The following CPSF6 variants were observed in gnomAD, a reference collection of about 807,000 sequenced individuals.
The protein encoded by CPSF6 is cleavage and polyadenylation specificity factor subunit 6.
In CPSF6, 10 loss-of-function variants were observed where a neutral mutation model predicts 56.7. That is an observed-to-expected ratio of 0.18 (90% CI 0.11 to 0.30). The LOEUF (loss-of-function observed/expected upper bound fraction) is 0.30, where lower values mean the gene tolerates loss of function less well. CPSF6 is among the 10% of genes least tolerant of loss of function. The pLI is 1.00. For synonymous variants in CPSF6, 248 were observed against 244.8 expected (o/e 1.01, Z -0.12); for missense variants, 419 against 722.9 (o/e 0.58, Z 4.82).
At chr12:69,254,266 G>C (rs890235670) in intron 3 of CPSF6, among the ~76,000 whole-genome samples, 1 of 152,036 alleles carries the variant, frequency 6.6e-6, no homozygotes, top group Non-Finnish European at 1.5e-5. Flanking sequence ...GGTACTTTCT[G>C]GTCTGTTTTC....
rs1055273450 is a variant in CPSF6, at chr12:69,273,288, T to A, written c.*3780T>A. 7.8e-6 allele frequency: 3 copies of A among 383,470 alleles called. No individual in the cohort carries two copies. The highest frequency in any genetic ancestry group is 1.6e-5 in the Non-Finnish European group (3 of 188,278). The allele number at this position is 383,470 out of a possible 1,614,324, so 23.8% of individuals were successfully genotyped here. On this transcript the variant is annotated 3_prime_UTR_variant, in exon 10 of 10. Coordinates refer to ENST00000435070, the MANE Select transcript of CPSF6 (RefSeq NM_007007.3). Reference sequence around the variant, plus strand: ...TTAACCAATGTTCTTTTTTTAGAATTTCAGGTTGTGGCATTCACTGAGTAT... The same window carrying A: ...TTAACCAATGTTCTTTTTTTAGAATATCAGGTTGTGGCATTCACTGAGTAT...
intron 8 of CPSF6, among the ~76,000 whole-genome samples, chr12:69,260,861 G>T (rs558989074): frequency 6.6e-6 from 1 of 152,216 alleles, no homozygotes; most frequent in South Asian, 2.1e-4. Flanking sequence ...AATCCTCTCA[G>T]CTTGGCCTCC....
At chr12:69,245,536 A>T (rs1290818850) in intron 1 of CPSF6, among the ~76,000 whole-genome samples, 2 of 152,202 alleles carry the variant, frequency 1.3e-5, no homozygotes, top group East Asian at 3.8e-4. Flanking sequence ...AGAGGGGACT[A>T]CTATAATTAT....
chr12:69,273,082 TA>T lies in CPSF6; in HGVS notation c.*3577del. 1 of 348,320 alleles carries T rather than the reference TA, an allele frequency of 2.9e-6. No individual in the cohort carries two copies. Among genetic ancestry groups the T allele is most frequent in the Admixed American group, 3.2e-5 (1 of 30,920 alleles). The allele number at this position is 348,320 out of a possible 1,614,324, so 21.6% of individuals were successfully genotyped here. A position where few individuals can be genotyped will look rare whatever the true frequency, so the allele number is the denominator to read the frequency against. ...CGTAATGTGAGATTTTTGATTTAGATAAATCAAGATTCAGGATTAAAGTTTC... is the reference window on the plus strand; with the variant it reads ...CGTAATGTGAGATTTTTGATTTAGATAATCAAGATTCAGGATTAAAGTTTC... On this transcript the variant is annotated 3_prime_UTR_variant, in exon 10 of 10. Transcript: ENST00000435070.
intron 1 of CPSF6, among the ~76,000 whole-genome samples, chr12:69,240,078 G>T (rs978019082): frequency 6.6e-6 from 1 of 151,512 alleles, no homozygotes; most frequent in African/African-American, 2.4e-5. Context: ...ACTGGCCGCC[G>T]CCGCGCCCCC....
intron 1 of CPSF6, among the ~76,000 whole-genome samples, chr12:69,244,076 C>T (rs891082435): frequency 1.3e-5 from 2 of 152,236 alleles, no homozygotes; most frequent in South Asian, 2.1e-4. Flanking sequence ...CTTGCTTTGA[C>T]CTACCAGTGT....
intron 8 of CPSF6, among the ~76,000 whole-genome samples, chr12:69,261,348 C>T (rs921629426): frequency 2.4e-4 from 36 of 152,256 alleles, no homozygotes; most frequent in Non-Finnish European, 2.1e-4. Context: ...AGGAGGATCA[C>T]GTGAGCCCCA....
chr12:69,260,261 G>A, intron 8 of CPSF6, 64 bp downstream of exon 8: 1 of 1,266,066 alleles, frequency 7.9e-7, no homozygotes, highest in South Asian at 1.5e-5. Flanking sequence ...AAAAAATACT[G>A]TGAGACTTTA....
rs986028210 is a variant in CPSF6, at chr12:69,256,842, A to G, written c.520A>G (p.Thr174Ala). The G allele has an allele frequency of 1.9e-6, 3 of 1,604,942 alleles. No homozygotes were observed. The Admixed American group carries it at 5.2e-5, about 28-fold the overall frequency. Reference protein sequence around the residue: ...LSQFEMQSRKTTQSGQMSGEG... With the variant: ...LSQFEMQSRKATQSGQMSGEG... ...TCAATTTGAAATGCAGTCCAGGAAA[A>G]GTAAGCAGTCCTCAGAGGCTTTTAT... The change falls in exon 4 of 10, where the codon ACT (threonine) becomes GCT (alanine). Residue 174 changes from threonine (T) to alanine (A), a missense_variant and splice_region_variant. By Grantham distance (58) the Thr-to-Ala change is moderately conservative. Around this residue, in one of 4 missense-constraint regions of CPSF6, gnomAD observed 125 missense variants for 216.4 expected, o/e 0.58. Coordinates refer to ENST00000435070, the MANE Select transcript of CPSF6 (RefSeq NM_007007.3).
chr12:69,259,816 A>G (rs925068432), intron 7 of CPSF6, among the ~76,000 whole-genome samples: 4 of 152,192 alleles, frequency 2.6e-5, no homozygotes, highest in African/African-American at 7.2e-5. Flanking sequence ...TTATTCTTAT[A>G]TTTGCAAAAT....
intron 1 of CPSF6, among the ~76,000 whole-genome samples, chr12:69,243,848 CTTGA>C (rs1402761884): frequency 3.3e-5 from 5 of 152,162 alleles, no homozygotes; most frequent in Non-Finnish European, 5.9e-5. Flanking sequence ...AATGTTTTCA[CTTGA>C]TTGATTATTT....
At position 69,251,146 on chromosome 12, in the gene CPSF6, G is replaced by A. The variant is rs1011109664; in HGVS notation, c.78G>A (p.Gly26=). 2 of 1,609,918 alleles carry A rather than the reference G, an allele frequency of 1.2e-6. No individual in the cohort carries two copies. The highest frequency in any genetic ancestry group is 2.2e-5 in the South Asian group (2 of 90,910). ...TATCTCAGGAAGCTGAATATGGTGG[G>A]CATGATCAGATAGATTTGTATGACG... ...EEFNQEAEYG[G]HDQIDLYDDV... is the part of the protein sequence containing the mutation. The change falls in exon 2 of 10, where the codon GGG becomes GGA. Residue 26 remains glycine (G), a synonymous_variant. Coordinates refer to ENST00000435070, the MANE Select transcript of CPSF6 (RefSeq NM_007007.3).
intron 9 of CPSF6, among the ~76,000 whole-genome samples, chr12:69,264,844 T>C (rs1406657296): frequency 1.3e-5 from 2 of 152,168 alleles, no homozygotes; most frequent in Non-Finnish European, 2.9e-5. Context: ...ATAAGGTCTG[T>C]TGACCTTTTT....
intron 1 of CPSF6, among the ~76,000 whole-genome samples, chr12:69,247,339 A>G (rs1318241852): frequency 2.0e-5 from 3 of 151,990 alleles, no homozygotes; most frequent in Non-Finnish European, 2.9e-5. Flanking sequence ...GTAGTGATTT[A>G]GAATGGTAGG....
At chr12:69,242,807 T>C (rs1871695641) in intron 1 of CPSF6, among the ~76,000 whole-genome samples, 1 of 152,178 alleles carries the variant, frequency 6.6e-6, no homozygotes, top group African/African-American at 2.4e-5. Flanking sequence ...AACTAAATAA[T>C]TTAAAAGTTG....
chr12:69,263,936 A>G (rs1468882910), intron 9 of CPSF6, among the ~76,000 whole-genome samples: 2 of 152,094 alleles, frequency 1.3e-5, no homozygotes, highest in East Asian at 1.9e-4. Context: ...AATTTAATAT[A>G]AATCTCAAAA....
chr12:69,252,495 T>C (rs1009848855), intron 2 of CPSF6, among the ~76,000 whole-genome samples: 3 of 152,174 alleles, frequency 2.0e-5, no homozygotes, highest in African/African-American at 7.2e-5. Flanking sequence ...ATTTGGATCT[T>C]AGCTCCACCA....
rs1872053972 is a variant in CPSF6 at position 69,248,882 on chromosome 12, C to A, written c.61-2247C>A. ...TACATAAACGATTACCTGATGATTA[C>A]TTGAGGTCCCTTTATTTAGGAATAT... On this transcript the variant is annotated intron_variant, in intron 1 of 9. Coordinates refer to ENST00000435070, the MANE Select transcript of CPSF6 (RefSeq NM_007007.3). 2.0e-5 allele frequency among the ~76,000 whole-genome samples: 3 copies of A among 152,074 alleles called. No individual in the cohort carries two copies. The South Asian group carries it at 6.2e-4, about 32-fold the overall frequency.
chr12:69,257,695 T>C, intron 4 of CPSF6, 37 bp from the exon 5 acceptor site: 1 of 1,566,764 alleles, frequency 6.4e-7, no homozygotes, highest in South Asian at 1.2e-5. Flanking sequence ...AAACTATTTT[T>C]AATAAGTGCT....
Sources: allele counts gnomAD v4.1 joint callset (sites outside exome capture counted in the v4.1 genomes callset), GRCh38; gene constraint gnomAD v4.1.1; regional missense constraint gnomAD v4.1.1; transcripts MANE v1.5; gene names NCBI Gene and HGNC (gene_info 2026-07-23, HGNC 2026-07-21).